The following PELI2 variants were observed in gnomAD, a reference collection of about 807,000 sequenced individuals.
The protein encoded by PELI2 is pellino E3 ubiquitin protein ligase family member 2.
In PELI2, 23 loss-of-function variants were observed where a neutral mutation model predicts 42.3. That is an observed-to-expected ratio of 0.54 (90% confidence interval 0.39 to 0.77). The LOEUF (loss-of-function observed/expected upper bound fraction) is 0.77, where lower values mean the gene tolerates loss of function less well. Among genes scored for constraint, PELI2 ranks in the 30% least tolerant of loss-of-function variants. The pLI, the probability that PELI2 is intolerant of heterozygous loss-of-function variation, is 0.00. For synonymous variants in PELI2, 245 were observed against 212.2 expected, an observed-to-expected ratio of 1.15 and a Z score of -1.34; for missense variants, 463 against 553.2, an observed-to-expected ratio of 0.84 and a Z score of 1.64.
intron 2 of PELI2, among the ~76,000 whole-genome samples, chr14:56,220,655 GTGAAAGAAGAATC>G (rs575321137): frequency 8.1e-4 from 124 of 152,278 alleles, no homozygotes; most frequent in African/African-American, 2.9e-3. Context: ...AAAGGAGGGA[GTGAAAGAAGAATC>G]TGCCCTACAG....
chr14:56,123,919 T>C (rs1883153930), intron 1 of PELI2, among the ~76,000 whole-genome samples: 1 of 152,176 alleles, frequency 6.6e-6, no homozygotes, highest in East Asian at 1.9e-4. Flanking sequence ...TGAAAGTAGG[T>C]ATATGGGGTT....
At chr14:56,229,447 C>T (rs1481896944) in intron 2 of PELI2, among the ~76,000 whole-genome samples, 1 of 152,206 alleles carries the variant, frequency 6.6e-6, no homozygotes, top group Non-Finnish European at 1.5e-5. Context: ...ATTTGCTGTT[C>T]TGCAGCCTCC....
intron 1 of PELI2, among the ~76,000 whole-genome samples, chr14:56,159,876 A>T (rs1264694616): frequency 6.6e-6 from 1 of 152,194 alleles, no homozygotes; most frequent in East Asian, 1.9e-4. Context: ...CAGAAGTCAG[A>T]TTCAGAACAA....
intron 2 of PELI2, among the ~76,000 whole-genome samples, chr14:56,240,645 C>T (rs555886476): frequency 6.6e-6 from 1 of 152,020 alleles, no homozygotes; most frequent in Non-Finnish European, 1.5e-5. Context: ...TAAGACAGGC[C>T]ATGTTTGAAT....
At chr14:56,182,162 G>T (rs959147344) in intron 2 of PELI2, among the ~76,000 whole-genome samples, 20 of 152,318 alleles carry the variant, frequency 1.3e-4, no homozygotes, top group African/African-American at 4.3e-4. Flanking sequence ...GTACAAGGAA[G>T]GACCTCTAAA....
Position 56,273,096 on chromosome 14 carries a change from A to G in PELI2, c.208-6580A>G, listed in dbSNP as rs142389940. On this transcript the variant is annotated intron_variant, in intron 2 of 5. Coordinates refer to ENST00000267460, the MANE Select transcript of PELI2 (RefSeq NM_021255.3). The surrounding 1 kb of genome is among the most constrained non-coding windows in gnomAD (Gnocchi z 4.3). ...GAATCTGGGAAGGGCACCACTGAGT[A>G]GTCAGTCTCTGGTCCACATCTGGGG... Among the ~76,000 whole-genome samples, 2 of 152,336 alleles carry G rather than the reference A, an allele frequency of 1.3e-5. No individual in the cohort carries two copies. Among genetic ancestry groups the G allele is most frequent in the East Asian group, 3.9e-4 (2 of 5,186 alleles).
At chr14:56,254,097 T>A (rs1230894898) in intron 2 of PELI2, among the ~76,000 whole-genome samples, 1 of 152,142 alleles carries the variant, frequency 6.6e-6, no homozygotes, top group Non-Finnish European at 1.5e-5. Flanking sequence ...GGGAAAGGAT[T>A]TCCTACTTAA....
chr14:56,210,947 G>C (rs1255931902), intron 2 of PELI2, among the ~76,000 whole-genome samples: 1 of 152,142 alleles, frequency 6.6e-6, no homozygotes, highest in South Asian at 2.1e-4. Context: ...AACTTTTGCT[G>C]TTCCTTTTGG....
chr14:56,227,854 A>G (rs1221390859), intron 2 of PELI2, among the ~76,000 whole-genome samples: 1 of 152,224 alleles, frequency 6.6e-6, no homozygotes, highest in Non-Finnish European at 1.5e-5. Flanking sequence ...GGCTTTCAGA[A>G]GGGCTCATAA....
chr14:56,120,562 A>G (rs1010594896), intron 1 of PELI2, among the ~76,000 whole-genome samples: 2 of 152,182 alleles, frequency 1.3e-5, no homozygotes, highest in African/African-American at 4.8e-5. Flanking sequence ...CAGGAGACCA[A>G]AGTATGACAT....
At chr14:56,284,201 A>G (rs555514106) in intron 3 of PELI2, among the ~76,000 whole-genome samples, 3 of 152,360 alleles carry the variant, frequency 2.0e-5, no homozygotes, top group Admixed American at 1.3e-4. Flanking sequence ...AATCAAAGCT[A>G]GATCTGAATT....
chr14:56,221,322 C>T (rs1052745866), intron 2 of PELI2, among the ~76,000 whole-genome samples: 3 of 152,214 alleles, frequency 2.0e-5, no homozygotes, highest in East Asian at 1.9e-4. Flanking sequence ...TAAGTGGGTT[C>T]GAGGCATCAG....
intron 1 of PELI2, among the ~76,000 whole-genome samples, chr14:56,149,124 G>A (rs1480461000): frequency 6.6e-6 from 1 of 152,152 alleles, no homozygotes; most frequent in Non-Finnish European, 1.5e-5. Flanking sequence ...TTCAACTAGG[G>A]TTTAAATCTT....
At chr14:56,228,256 C>A (rs1887432383) in intron 2 of PELI2, among the ~76,000 whole-genome samples, 1 of 152,212 alleles carries the variant, frequency 6.6e-6, no homozygotes, top group East Asian at 1.9e-4. Flanking sequence ...CCATACTGAT[C>A]TATCTTGCTG....
intron 1 of PELI2, among the ~76,000 whole-genome samples, chr14:56,149,765 G>A (rs1884267832): frequency 6.6e-6 from 1 of 151,988 alleles, no homozygotes. Context: ...AAAATATTGT[G>A]TATGTTATAT....
chr14:56,170,518 G>C (rs1885126449), intron 1 of PELI2, among the ~76,000 whole-genome samples: 1 of 152,046 alleles, frequency 6.6e-6, no homozygotes, highest in Non-Finnish European at 1.5e-5. Context: ...ATGAAATTTG[G>C]AGTCAGACAG....
At chr14:56,192,314 G>T (rs747761432) in intron 2 of PELI2, among the ~76,000 whole-genome samples, 1 of 152,078 alleles carries the variant, frequency 6.6e-6, no homozygotes, top group Non-Finnish European at 1.5e-5. Flanking sequence ...AAGTCGAGTC[G>T]TGTTAAACTG....
intron 1 of PELI2, among the ~76,000 whole-genome samples, chr14:56,157,836 G>A (rs1321799288): frequency 6.6e-6 from 1 of 152,204 alleles, no homozygotes; most frequent in Non-Finnish European, 1.5e-5. Context: ...GACACTGGAA[G>A]TAATTATTTT....
intron 2 of PELI2, among the ~76,000 whole-genome samples, chr14:56,240,691 A>G (rs1036756574): frequency 6.6e-6 from 1 of 152,126 alleles, no homozygotes; most frequent in African/African-American, 2.4e-5. Flanking sequence ...GAAACGGAGT[A>G]GCTCTAGAAG....
Sources: gnomAD v4.1 joint callset for allele counts (sites outside exome capture counted in the v4.1 genomes callset) on GRCh38, gnomAD v4.1.1 for gene constraint, Gnocchi (gnomAD v3.1) non-coding constraint, MANE v1.5 for transcripts, NCBI Gene and HGNC (gene_info 2026-07-23, HGNC 2026-07-21) for gene names.